The following LRRC47 variants were observed in gnomAD, a reference collection of about 807,000 sequenced individuals.
The protein encoded by LRRC47 is leucine rich repeat containing 47.
A neutral mutation model predicts 40.9 loss-of-function variants in LRRC47; 31 were observed. The ratio of observed to expected loss-of-function variants is 0.76; its 90% CI spans 0.57 to 1.02. LRRC47 has a LOEUF of 1.02. Ranked by LOEUF, LRRC47 falls within the 50% of genes least tolerant of loss-of-function variation. LRRC47 has a pLI of 0.00. For synonymous variants in LRRC47, 427 were observed against 371.9 expected, an observed-to-expected ratio of 1.15 and a Z score of -1.70; for missense variants, 726 against 796.1, an observed-to-expected ratio of 0.91 and a Z score of 1.06.
At chr1:3,794,771 T>C (rs1040067160) in intron 1 of LRRC47, among the ~76,000 whole-genome samples, 2 of 151,152 alleles carry the variant, frequency 1.3e-5, no homozygotes, top group East Asian at 4.0e-4. Flanking sequence ...AATGTCCACA[T>C]AGGCCAGGCG....
chr1:3,785,045 A>C, intron 3 of LRRC47, 42 bp downstream of exon 3: 1 of 1,466,514 alleles, frequency 6.8e-7, no homozygotes, highest in Non-Finnish European at 9.2e-7. Context: ...TTTCGACACC[A>C]AGGAGACTCT....
intron 1 of LRRC47, 124 bp downstream of exon 1, chr1:3,795,738 T>C (rs1309908583): frequency 3.1e-6 from 4 of 1,287,790 alleles, no homozygotes; most frequent in African/African-American, 1.6e-5. Flanking sequence ...TTCAGCCTTG[T>C]AGGAATTCCC....
In LRRC47 at chr1:3,781,513, A is replaced by G; in HGVS notation, c.1502T>C (p.Leu501Pro). 1 of 1,613,446 alleles carries G rather than the reference A, an allele frequency of 6.2e-7. No individual in the cohort carries two copies. The highest frequency in any genetic ancestry group is 8.5e-7 in the Non-Finnish European group (1 of 1,179,540). ...ICKDVMDALI[L>P]KMAEMKKYTL... Reference sequence around the variant, plus strand: ...CAGGAGGAGCCACCCCACACTCACCAGAATGAGGGCATCCATGACATCCTT... The same window carrying G: ...CAGGAGGAGCCACCCCACACTCACCGGAATGAGGGCATCCATGACATCCTT... The change falls in exon 6 of 7, where the codon CTG (leucine) becomes CCG (proline). Residue 501 changes from leucine (L) to proline (P), a missense_variant and splice_region_variant. By Grantham distance (98) the Leu-to-Pro change is moderately conservative. Coordinates refer to ENST00000378251, the MANE Select transcript of LRRC47 (RefSeq NM_020710.3).
At chr1:3,786,732 G>T in intron 2 of LRRC47, 117 bp downstream of exon 2, 1 of 967,320 alleles carries the variant, frequency 1.0e-6, no homozygotes, top group Non-Finnish European at 1.5e-6. Context: ...ACAGACACCC[G>T]GCTGGGCCCC....
intron 1 of LRRC47, among the ~76,000 whole-genome samples, chr1:3,793,991 C>T (rs904158120): frequency 2.6e-5 from 4 of 152,130 alleles, no homozygotes; most frequent in African/African-American, 7.2e-5. Flanking sequence ...GTCAGGAGAT[C>T]GAGACCATCC....
rs534104959 is a variant in LRRC47, at chr1:3,779,345, C to G, written c.*1743G>C. ...CAGTCATTTCTACAGACACAGAAAT[C>G]GAGACACTGAACAGAGAACAAATGG... is the stretch of plus-strand genomic sequence containing the variant. On this transcript the variant is annotated 3_prime_UTR_variant, in exon 7 of 7. Transcript: ENST00000378251. 145 of 152,336 alleles carry G rather than the reference C, an allele frequency of 9.5e-4. 1 individual carries two copies. Among genetic ancestry groups the G allele is most frequent in the African/African-American group, 3.0e-3 (126 of 41,562 alleles). The allele number at this position is 152,336 out of a possible 1,614,324, so 9.4% of individuals were successfully genotyped here. A position where few individuals can be genotyped will look rare whatever the true frequency, so the allele number is the denominator to read the frequency against.
intron 1 of LRRC47, among the ~76,000 whole-genome samples, chr1:3,790,113 C>T (rs571338096): frequency 2.0e-5 from 3 of 152,336 alleles, no homozygotes; most frequent in East Asian, 1.9e-4. Context: ...ACGGCAGCAA[C>T]GTGGGTCCTG....
Position 3,781,525 on chromosome 1 carries a change from T to C in LRRC47, c.1490A>G (p.Asp497Gly). The change falls in exon 6 of 7, where the codon GAT (aspartate) becomes GGT (glycine). Residue 497 changes from aspartate (D) to glycine (G), a missense_variant. Transcript: ENST00000378251. ...TSLQICKDVM[D>G]ALILKMAEMK... ...CCCCACACTCACCAGAATGAGGGCA[T>C]CCATGACATCCTTGCAAATCTGCAG... The C allele has an allele frequency of 6.2e-7, 1 of 1,613,878 alleles. No homozygotes were observed. Among genetic ancestry groups the C allele is most frequent in the South Asian group, 1.1e-5 (1 of 91,058 alleles).
rs542880179 is a variant in LRRC47 at position 3,780,924 on chromosome 1, C to T, written c.*164G>A. 437 of 1,040,382 alleles carry T rather than the reference C, an allele frequency of 4.2e-4. 2 individuals carry two copies. Among genetic ancestry groups the T allele is most frequent in the Admixed American group, 2.2e-3 (83 of 37,046 alleles). The allele number at this position is 1,040,382 out of a possible 1,614,324, so 64.4% of individuals were successfully genotyped here. On this transcript the variant is annotated 3_prime_UTR_variant, in exon 7 of 7. Transcript: ENST00000378251. ...CCAGGAGACACAGGCTGCAGTGACT[C>T]GAGATCACGCCACTGCACTCCAGCC... is the stretch of plus-strand genomic sequence containing the variant.
chr1:3,780,974 C>CAA lies in LRRC47; in HGVS notation c.*112_*113dup, dbSNP rs35582128. ...CTGGCGACAGAGCGAGACTCCATCT[C>CAA]AAAAAAAAAAACCAACAAAAAAACT... On this transcript the variant is annotated 3_prime_UTR_variant, in exon 7 of 7. Coordinates refer to ENST00000378251, the MANE Select transcript of LRRC47 (RefSeq NM_020710.3). 2.3e-3 allele frequency: 2,775 copies of CAA among 1,188,974 alleles called. No individual in the cohort carries two copies. The highest frequency in any genetic ancestry group is 4.1e-3 in the Middle Eastern group (13 of 3,136). The allele number at this position is 1,188,974 out of a possible 1,614,324, so 73.7% of individuals were successfully genotyped here.
Position 3,783,983 on chromosome 1 carries a change from G to A in LRRC47, c.1310+13C>T, listed in dbSNP as rs181171007. The A allele has an allele frequency of 1.9e-5, 30 of 1,595,564 alleles. No homozygotes were observed. Among genetic ancestry groups the A allele is most frequent in the Non-Finnish European group, 2.6e-5 (30 of 1,174,772 alleles). On this transcript the variant is annotated intron_variant, in intron 4 of 6. Transcript: ENST00000378251. The stretch of plus-strand genomic sequence containing the variant: ...CCCGGGCCCGGCCCCACCCCACCAG[G>A]CACGCTGCCCACCTGTGCAGGCCCG...
intron 1 of LRRC47, among the ~76,000 whole-genome samples, chr1:3,791,785 G>C (rs1354389441): frequency 2.6e-5 from 4 of 151,844 alleles, no homozygotes; most frequent in Non-Finnish European, 5.9e-5. Flanking sequence ...ACAGGGTCTA[G>C]CTCTGTTGCC....
chr1:3,786,733 G>T, intron 2 of LRRC47, 116 bp downstream of exon 2: 3 of 972,280 alleles, frequency 3.1e-6, no homozygotes, highest in Non-Finnish European at 3.0e-6. Context: ...CAGACACCCG[G>T]CTGGGCCCCA....
At position 3,795,851 on chromosome 1, in the gene LRRC47, C is replaced by T; in HGVS notation, c.615+11G>A. The T allele has an allele frequency of 1.9e-6, 3 of 1,560,456 alleles. No individual in the cohort carries two copies. The highest frequency in any genetic ancestry group is 1.7e-6 in the Non-Finnish European group (2 of 1,160,358). Reference sequence around the variant, plus strand: ...GCCCCATCCCGCCCCGCCCGGGCAGCCCCCGCTGACCTTGAGCGAGGCCAG... The same window carrying T: ...GCCCCATCCCGCCCCGCCCGGGCAGTCCCCGCTGACCTTGAGCGAGGCCAG... On this transcript the variant is annotated intron_variant, in intron 1 of 6. Transcript: ENST00000378251.
rs1417250856 is a variant in LRRC47, at chr1:3,796,198, G to C, written c.279C>G (p.Pro93=). The C allele has an allele frequency of 1.4e-6, 2 of 1,435,224 alleles. No individual in the cohort carries two copies. Among genetic ancestry groups the C allele is most frequent in the Non-Finnish European group, 1.8e-6 (2 of 1,100,756 alleles). 88.9% of individuals were successfully genotyped at this position (1,435,224 alleles called of 1,614,324 possible). A position where few individuals can be genotyped will look rare whatever the true frequency, so the allele number is the denominator to read the frequency against. The change falls in exon 1 of 7, where the codon CCC becomes CCG. Residue 93 remains proline (P), a synonymous_variant. Transcript: ENST00000378251. ...GAAGGGCAGGCAGCGGCCCGAGCTC[G>C]GGGCTCAGGCCGGGCCCCAGCGCGT... is the stretch of plus-strand genomic sequence containing the variant. ...RRNALGPGLS[P]ELGPLPALRV...
Position 3,796,107 on chromosome 1 carries a change from C to T in LRRC47, c.370G>A (p.Glu124Lys). 1 of 1,461,546 alleles carries T rather than the reference C, an allele frequency of 6.8e-7. No homozygotes were observed. The highest frequency in any genetic ancestry group is 9.0e-7 in the Non-Finnish European group (1 of 1,115,580). The allele number at this position is 1,461,546 out of a possible 1,614,324, so 90.5% of individuals were successfully genotyped here. A position where few individuals can be genotyped will look rare whatever the true frequency, so the allele number is the denominator to read the frequency against. Reference sequence around the variant, plus strand: ...TGCAGCTGCGGAAGGCCCGGCGGCTCGGCGGGGCCCAGGCCTTGGCCCGGC... The same window carrying T: ...TGCAGCTGCGGAAGGCCCGGCGGCTTGGCGGGGCCCAGGCCTTGGCCCGGC... ...LPPGQGLGPA[E>K]PPGLPQLQSL... Residue 124 changes from glutamate (E) to lysine (K), a missense_variant, in exon 1 of 7, where the codon GAG becomes AAG. By Grantham distance (56) the Glu-to-Lys change is moderately conservative (BLOSUM62 1). Coordinates refer to ENST00000378251, the MANE Select transcript of LRRC47 (RefSeq NM_020710.3).
intron 5 of LRRC47, 121 bp from the exon 6 acceptor site, chr1:3,781,722 G>A (rs899335575): frequency 9.0e-6 from 7 of 780,690 alleles, no homozygotes; most frequent in African/African-American, 8.7e-5. Context: ...GCTCACACCT[G>A]TAAATCCAGC....
intron 3 of LRRC47, among the ~76,000 whole-genome samples, chr1:3,784,539 A>G (rs1643552855): frequency 6.6e-6 from 1 of 150,698 alleles, no homozygotes; most frequent in South Asian, 2.1e-4. Flanking sequence ...CAGAGACCAA[A>G]ATTTCTGATT....
intron 1 of LRRC47, among the ~76,000 whole-genome samples, chr1:3,793,044 G>GT (rs1643641714): frequency 1.3e-5 from 2 of 152,118 alleles, no homozygotes; most frequent in South Asian, 4.2e-4. Context: ...TGCAAAAACT[G>GT]TAACAGTGAG....
Sources: gnomAD v4.1 joint callset for allele counts (sites outside exome capture counted in the v4.1 genomes callset) on GRCh38, gnomAD v4.1.1 for gene constraint, MANE v1.5 for transcripts, NCBI Gene and HGNC (gene_info 2026-07-23, HGNC 2026-07-21) for gene names.